The following GRM4 variants were observed in gnomAD, a reference collection of about 807,000 sequenced individuals.
The protein encoded by GRM4 is metabotropic glutamate receptor 4.
In GRM4, 28 loss-of-function variants were observed where a neutral mutation model predicts 81.7. The observed-to-expected ratio is 0.34, with a 90% confidence interval of 0.25 to 0.47. The LOEUF is 0.47. Ranked by LOEUF, GRM4 falls within the 20% of genes least tolerant of loss-of-function variation. The probability of loss-of-function intolerance (pLI) is 1.00; values close to 1 mark genes in which losing one functional copy is unlikely to be tolerated. For missense variants in GRM4, 948 were observed against 1,290.0 expected (o/e 0.73, Z 4.06); for synonymous variants, 488 against 528.8 (o/e 0.92, Z 1.06).
chr6:34,140,191 T>G (rs1281568865), intron 1 of GRM4, among the ~76,000 whole-genome samples: 2 of 152,166 alleles, frequency 1.3e-5, no homozygotes, highest in African/African-American at 4.8e-5. Flanking sequence ...GCATGAGCCA[T>G]GTGAACATCT....
chr6:34,027,005 T>A (rs1764164793), intron 10 of GRM4, among the ~76,000 whole-genome samples: 1 of 151,972 alleles, frequency 6.6e-6, no homozygotes, highest in Admixed American at 6.6e-5. Flanking sequence ...TCATCTGGGG[T>A]TTCCGAACAT....
At chr6:34,075,298 T>A (rs148039297) in intron 3 of GRM4, among the ~76,000 whole-genome samples, 2 of 152,308 alleles carry the variant, frequency 1.3e-5, no homozygotes, top group East Asian at 3.9e-4. Flanking sequence ...GAGGAGGTCA[T>A]AAATCGCTTT....
At chr6:34,062,109 G>A in intron 3 of GRM4, 81 bp from the exon 4 acceptor site, 3 of 1,470,226 alleles carry the variant, frequency 2.0e-6, no homozygotes, top group Non-Finnish European at 2.8e-6. Context: ...CACTCCGGGA[G>A]ATGGGGGCTG....
chr6:34,069,854 G>GCACC lies in GRM4; in HGVS notation c.737-7830_737-7827dup, dbSNP rs1766712123. On this transcript the variant is annotated intron_variant, in intron 3 of 10. Coordinates refer to ENST00000538487, the MANE Select transcript of GRM4 (RefSeq NM_000841.4). The surrounding 1 kb of genome is among the most constrained non-coding windows in gnomAD (Gnocchi z 6.4). ...GCACATGCTGCTCCCTCTGCCAGGA[G>GCACC]CACCCCCACCTCAGCTGCTCAGCCA... 2.0e-5 allele frequency among the ~76,000 whole-genome samples: 3 copies of GCACC among 152,204 alleles called. No individual in the cohort carries two copies. In the South Asian group the frequency reaches 6.2e-4, roughly 32 times the overall value.
At position 34,040,155 on chromosome 6, in the gene GRM4, C is replaced by T. The variant is rs371449250; in HGVS notation, c.1506+23G>A. On this transcript the variant is annotated intron_variant, in intron 8 of 10. Coordinates refer to ENST00000538487, the MANE Select transcript of GRM4 (RefSeq NM_000841.4). ...TGGAACTGCGTGAGTCACTCTCCAC[C>T]CACTCCCTGCCCTCCCACTTACTCT... 1.9e-6 allele frequency: 3 copies of T among 1,610,898 alleles called. No individual in the cohort carries two copies. In the African/African-American group the frequency reaches 4.0e-5, roughly 22 times the overall value.
chr6:34,050,142 T>C (rs1228539386), intron 6 of GRM4, among the ~76,000 whole-genome samples: 1 of 151,980 alleles, frequency 6.6e-6, no homozygotes, highest in African/African-American at 2.4e-5. Context: ...TCCTCATTGC[T>C]CCCCCAGGCT....
chr6:34,130,047 G>A lies in GRM4; in HGVS notation c.519+2931C>T, dbSNP rs1317566887. Among the ~76,000 whole-genome samples, 1 of 152,234 alleles carries A rather than the reference G, an allele frequency of 6.6e-6. No homozygotes were observed. Among genetic ancestry groups the A allele is most frequent in the African/African-American group, 2.4e-5 (1 of 41,534 alleles). On this transcript the variant is annotated intron_variant, in intron 2 of 10. Coordinates refer to ENST00000538487, the MANE Select transcript of GRM4 (RefSeq NM_000841.4). The surrounding 1 kb of genome is among the most constrained non-coding windows in gnomAD (Gnocchi z 4.1). ...GTGCCCTTTGAAATGGACACCTGGT[G>A]GTGGGCGCAGGTCCCCTCCCCCAAG...
intron 1 of GRM4, among the ~76,000 whole-genome samples, chr6:34,142,238 A>G (rs112238678): frequency 2.0e-5 from 3 of 152,236 alleles, no homozygotes; most frequent in African/African-American, 7.2e-5. Context: ...CAGAGCTCCA[A>G]TGCCAGCTCC....
chr6:34,056,905 T>C (rs1765925447), intron 5 of GRM4, among the ~76,000 whole-genome samples: 1 of 152,246 alleles, frequency 6.6e-6, no homozygotes, highest in East Asian at 1.9e-4. Context: ...AATCTACAAC[T>C]GCTGCCTTTA....
chr6:34,133,017 C>T lies in GRM4; in HGVS notation c.480G>A (p.Ser160=), dbSNP rs145424132. The T allele has an allele frequency of 7.1e-5, 114 of 1,612,034 alleles. No homozygotes were observed. Among genetic ancestry groups the T allele is most frequent in the African/African-American group, 1.2e-4 (9 of 74,876 alleles). The change falls in exon 2 of 11, where the codon TCG becomes TCA. Residue 160 remains serine (S), a synonymous_variant. Transcript: ENST00000538487. The surrounding 1 kb of genome is among the most constrained non-coding windows in gnomAD (Gnocchi z 6.5). ...GGATGTTGGCCACCATGATGGAGACCGAGCTCCCTGAAGCACCGATGACAC... is the reference window on the plus strand; with the variant it reads ...GGATGTTGGCCACCATGATGGAGACTGAGCTCCCTGAAGCACCGATGACAC... The part of the protein sequence containing the change: ...VVGVIGASGS[S]VSIMVANILR...
At chr6:34,029,960 C>T (rs1764331249) in intron 9 of GRM4, among the ~76,000 whole-genome samples, 1 of 152,200 alleles carries the variant, frequency 6.6e-6, no homozygotes, top group Non-Finnish European at 1.5e-5. Context: ...AAGCCTGTCC[C>T]CCAGTGAGCA....
At chr6:34,056,488 G>C (rs1224819800) in intron 6 of GRM4, 56 bp downstream of exon 6, 13 of 1,498,850 alleles carry the variant, frequency 8.7e-6, no homozygotes, top group East Asian at 4.7e-5. Flanking sequence ...CCCCAGGCTC[G>C]GCCCTCCCCG....
In GRM4 at chr6:34,048,356, C is replaced by G. The variant is rs551350364; in HGVS notation, c.1169-7608G>C. Among the ~76,000 whole-genome samples, 12 of 151,696 alleles carry G rather than the reference C, an allele frequency of 7.9e-5. No homozygotes were observed. In the South Asian group the frequency reaches 2.5e-3, roughly 32 times the overall value. Reference sequence around the variant, plus strand: ...GTCACACCTGGCGCCTGCACAGCCCCGTGCCCAAGAAGGATCAGCTCTCGA... The same window carrying G: ...GTCACACCTGGCGCCTGCACAGCCCGGTGCCCAAGAAGGATCAGCTCTCGA... On this transcript the variant is annotated intron_variant, in intron 6 of 10. Coordinates refer to ENST00000538487, the MANE Select transcript of GRM4 (RefSeq NM_000841.4). This position sits in a 1 kb window ranked among gnomAD's most constrained non-coding sequence, Gnocchi z 4.0.
Position 34,093,071 on chromosome 6 carries a change from CA to C in GRM4, c.520-973del, listed in dbSNP as rs376394138. 4.9e-3 allele frequency among the ~76,000 whole-genome samples: 742 copies of C among 152,294 alleles called. 3 individuals are homozygous for C. Among genetic ancestry groups the C allele is most frequent in the Non-Finnish European group, 7.7e-3 (525 of 68,002 alleles). ...CTGCCCGCTCAGTTGTCCAGGGAGA[CA>C]GGGGTGGGGAATGCATATTGATCCA... is the stretch of plus-strand genomic sequence containing the variant. On this transcript the variant is annotated intron_variant, in intron 2 of 10. Coordinates refer to ENST00000538487, the MANE Select transcript of GRM4 (RefSeq NM_000841.4).
At position 34,028,139 on chromosome 6, in the gene GRM4, G is replaced by A. The variant is rs752101103; in HGVS notation, c.2670C>T (p.Cys890=). The A allele has an allele frequency of 2.0e-5, 32 of 1,613,036 alleles. No individual in the cohort carries two copies. The highest frequency in any genetic ancestry group is 2.5e-5 in the Non-Finnish European group (29 of 1,179,596). ...ACTCACCTGGGGCCTCAAGGTTCTCGCAGAGCTCAGACTTGGCCTCTCCGT... is the reference window on the plus strand; with the variant it reads ...ACTCACCTGGGGCCTCAAGGTTCTCACAGAGCTCAGACTTGGCCTCTCCGT... ...RPNGEAKSEL[C]ENLEAPALAT... Residue 890 remains cysteine (C), a synonymous_variant, in exon 10 of 11, where the codon TGC becomes TGT. Coordinates refer to ENST00000538487, the MANE Select transcript of GRM4 (RefSeq NM_000841.4).
intron 2 of GRM4, among the ~76,000 whole-genome samples, chr6:34,125,476 T>G (rs1009474033): frequency 2.6e-5 from 4 of 152,216 alleles, no homozygotes; most frequent in Non-Finnish European, 5.9e-5. Flanking sequence ...AAAAAGACCC[T>G]GGGCTCACAG....
intron 10 of GRM4, among the ~76,000 whole-genome samples, chr6:34,027,187 A>T (rs941513600): frequency 4.6e-5 from 7 of 152,196 alleles, no homozygotes; most frequent in Non-Finnish European, 1.0e-4. Context: ...GTCGCAGGGC[A>T]GGAAAAGGGG....
Position 34,111,364 on chromosome 6 carries a change from TTGG to T in GRM4, c.520-19268_520-19266del, listed in dbSNP as rs896108549. On this transcript the variant is annotated intron_variant, in intron 2 of 10. Coordinates refer to ENST00000538487, the MANE Select transcript of GRM4 (RefSeq NM_000841.4). This position sits in a 1 kb window ranked among gnomAD's most constrained non-coding sequence, Gnocchi z 5.1. Reference sequence around the variant, plus strand: ...TCCTGGACTCACACTCACAGGCCTCTTGGTGGTAAGTACAACCAACCGTGCACA... The same window carrying T: ...TCCTGGACTCACACTCACAGGCCTCTTGGTAAGTACAACCAACCGTGCACA... Among the ~76,000 whole-genome samples, 3 of 144,472 alleles carry T rather than the reference TTGG, an allele frequency of 2.1e-5. No individual in the cohort carries two copies. The highest frequency in any genetic ancestry group is 4.5e-5 in the Non-Finnish European group (3 of 66,774). 94.8% of individuals were successfully genotyped at this position (144,472 alleles called of 152,430 possible).
chr6:34,023,115 C>T (rs1472644204), intron 10 of GRM4, among the ~76,000 whole-genome samples: 1 of 152,224 alleles, frequency 6.6e-6, no homozygotes, highest in East Asian at 1.9e-4. Flanking sequence ...CACCTCCACG[C>T]CTTTGCCGGG....
Sources: gnomAD v4.1 joint callset for allele counts (sites outside exome capture counted in the v4.1 genomes callset) on GRCh38, gnomAD v4.1.1 for gene constraint, Gnocchi (gnomAD v3.1) non-coding constraint, MANE v1.5 for transcripts, NCBI Gene and HGNC (gene_info 2026-07-23, HGNC 2026-07-21) for gene names.